Variants in RBMS3 observed in about 807,000 individuals in gnomAD.
RBMS3 encodes the protein RNA binding motif single stranded interacting protein 3.
Under a neutral mutation model 66.8 loss-of-function variants are expected in RBMS3, and 27 were observed. That is an observed-to-expected ratio of 0.40 (90% confidence interval 0.30 to 0.56). The LOEUF is 0.56. Among genes scored for constraint, RBMS3 ranks in the 20% least tolerant of loss-of-function variants. The pLI, the probability that RBMS3 is intolerant of heterozygous loss-of-function variation, is 0.40. For missense variants in RBMS3, 513 were observed against 549.5 expected (o/e 0.93, Z 0.66); for synonymous variants, 188 against 183.0 (o/e 1.03, Z -0.22).
At chr3:29,585,698 T>A (rs1399824122) in intron 3 of RBMS3, among the ~76,000 whole-genome samples, 1 of 152,014 alleles carries the variant, frequency 6.6e-6, no homozygotes, top group Non-Finnish European at 1.5e-5. Flanking sequence ...TACTTCCACT[T>A]TTTTTTTCTA....
At chr3:29,982,150 G>A (rs1318991388) in intron 12 of RBMS3, among the ~76,000 whole-genome samples, 1 of 152,070 alleles carries the variant, frequency 6.6e-6, no homozygotes, top group Admixed American at 6.5e-5. Context: ...GTTTAGTCTT[G>A]GGAGGGTGTA....
chr3:29,365,517 GA>G (rs201951177), intron 1 of RBMS3, among the ~76,000 whole-genome samples: 8 of 150,352 alleles, frequency 5.3e-5, no homozygotes, highest in South Asian at 2.1e-4. Flanking sequence ...GCTAAAATTT[GA>G]AAAAAAAATA....
rs1163842450 is a variant in RBMS3 at position 29,578,430 on chromosome 3, G to A, written c.308-8684G>A. On this transcript the variant is annotated intron_variant, in intron 3 of 14. Coordinates refer to ENST00000383767, the MANE Select transcript of RBMS3 (RefSeq NM_001003793.3). ...TGTATTTGATATGTCAAGTGGGATG[G>A]AGAAAAGTAATCTGGAGTATAAGAA... 2.0e-5 allele frequency among the ~76,000 whole-genome samples: 3 copies of A among 152,124 alleles called. No homozygotes were observed. In the South Asian group the frequency reaches 6.2e-4, roughly 32 times the overall value.
intron 4 of RBMS3, among the ~76,000 whole-genome samples, chr3:29,719,262 A>G (rs17615452): frequency 0.028 from 4,235 of 152,246 alleles, 81 homozygotes; most frequent in Admixed American, 0.062. Flanking sequence ...AAAGTCTAGA[A>G]AGTTTTCCAC....
intron 1 of RBMS3, among the ~76,000 whole-genome samples, chr3:29,351,528 G>A (rs529614570): frequency 6.6e-6 from 1 of 152,040 alleles, no homozygotes; most frequent in South Asian, 2.1e-4. Flanking sequence ...ATATTTGTAT[G>A]TTTCTCCTGG....
At chr3:29,290,259 A>G (rs1326104410) in intron 1 of RBMS3, among the ~76,000 whole-genome samples, 1 of 151,844 alleles carries the variant, frequency 6.6e-6, no homozygotes, top group Non-Finnish European at 1.5e-5. Flanking sequence ...ACTAGTTTTG[A>G]GTAGGTGAAG....
rs747558200 is a variant in RBMS3, at chr3:29,487,944, T to G, written c.249-497T>G. 2.0e-5 allele frequency among the ~76,000 whole-genome samples: 3 copies of G among 152,318 alleles called. No individual in the cohort carries two copies. The East Asian group carries it at 5.8e-4, about 29-fold the overall frequency. On this transcript the variant is annotated intron_variant, in intron 2 of 14. Transcript: ENST00000383767. ...ACTATATTACATTGCTCCTGGAGCC[T>G]AATATAGTGGATTCCCAAAGACATA...
intron 6 of RBMS3, among the ~76,000 whole-genome samples, chr3:29,817,112 G>A (rs1043834524): frequency 1.3e-5 from 2 of 150,872 alleles, no homozygotes; most frequent in Admixed American, 1.3e-4. Flanking sequence ...AAGGAAAAAA[G>A]TATATATAAA....
rs531181395 is a variant in RBMS3 at position 29,529,785 on chromosome 3, A to G, written c.307+41286A>G. ...ATTCTGTGAACTGGAAGCAAAATTC[A>G]CAAATATTACAATGGTGAAATTACG... On this transcript the variant is annotated intron_variant, in intron 3 of 14. Transcript: ENST00000383767. Among the ~76,000 whole-genome samples the G allele has an allele frequency of 1.6e-4, 24 of 152,352 alleles. No individual in the cohort carries two copies. The Middle Eastern group carries it at 0.01, about 65-fold the overall frequency.
intron 6 of RBMS3, among the ~76,000 whole-genome samples, chr3:29,855,410 A>G (rs148800794): frequency 7.6e-4 from 116 of 152,308 alleles, no homozygotes; most frequent in African/African-American, 2.6e-3. Context: ...CATGTTTTAT[A>G]TCTAATCATT....
intron 3 of RBMS3, among the ~76,000 whole-genome samples, chr3:29,490,715 G>A (rs764791977): frequency 6.6e-6 from 1 of 152,126 alleles, no homozygotes; most frequent in Non-Finnish European, 1.5e-5. Flanking sequence ...GAATTAGGGT[G>A]GGCAGTTGAG....
At chr3:29,600,049 T>A (rs2048091356) in intron 4 of RBMS3, among the ~76,000 whole-genome samples, 1 of 152,142 alleles carries the variant, frequency 6.6e-6, no homozygotes. Context: ...TACTATCAAA[T>A]GTACACTAGT....
chr3:29,715,525 A>G (rs533186491), intron 4 of RBMS3, among the ~76,000 whole-genome samples: 5 of 152,236 alleles, frequency 3.3e-5, no homozygotes, highest in African/African-American at 9.6e-5. Flanking sequence ...GTTCCCTGGA[A>G]TCAGTGCTTA....
intron 1 of RBMS3, among the ~76,000 whole-genome samples, chr3:29,369,257 C>G (rs1021982703): frequency 1.3e-5 from 2 of 151,812 alleles, no homozygotes; most frequent in African/African-American, 4.8e-5. Context: ...CAACCAACCC[C>G]CATGACACAA....
At chr3:29,356,884 A>G (rs1299548796) in intron 1 of RBMS3, among the ~76,000 whole-genome samples, 2 of 152,286 alleles carry the variant, frequency 1.3e-5, no homozygotes, top group Middle Eastern at 3.4e-3. Flanking sequence ...TAATGCATTC[A>G]GAAATGTTGA....
chr3:29,974,040 A>G, intron 12 of RBMS3, among the ~76,000 whole-genome samples: 1 of 151,948 alleles, frequency 6.6e-6, no homozygotes, highest in East Asian at 1.9e-4. Context: ...TCTCACTTGT[A>G]TTCCATTCTC....
intron 4 of RBMS3, among the ~76,000 whole-genome samples, chr3:29,607,571 G>A (rs2048355587): frequency 6.6e-6 from 1 of 151,828 alleles, no homozygotes; most frequent in Admixed American, 6.6e-5. Flanking sequence ...TAAGCATTTT[G>A]GGGGGATGCA....
At chr3:29,440,732 A>G (rs1026201176) in intron 2 of RBMS3, among the ~76,000 whole-genome samples, 1 of 152,200 alleles carries the variant, frequency 6.6e-6, no homozygotes, top group African/African-American at 2.4e-5. Flanking sequence ...ACCCTGTTGG[A>G]TGTCTCATTA....
chr3:29,876,922 T>C (rs566822197), intron 7 of RBMS3, among the ~76,000 whole-genome samples: 1 of 152,140 alleles, frequency 6.6e-6, no homozygotes, highest in Non-Finnish European at 1.5e-5. Context: ...AACAGGATGC[T>C]GCTGAAAGGA....
Sources: allele counts gnomAD v4.1 joint callset (sites outside exome capture counted in the v4.1 genomes callset), GRCh38; gene constraint gnomAD v4.1.1; transcripts MANE v1.5; gene names NCBI Gene and HGNC (gene_info 2026-07-23, HGNC 2026-07-21).